The following ZNF845 variants were observed in gnomAD, a reference collection of about 807,000 sequenced individuals.
The protein encoded by ZNF845 is zinc finger protein 845.
A neutral mutation model predicts 76.1 loss-of-function variants in ZNF845; 59 were observed. That is an observed-to-expected ratio of 0.78 (90% CI 0.63 to 0.96). The LOEUF is 0.96. Ranked by LOEUF, ZNF845 falls within the 40% of genes least tolerant of loss-of-function variation. The pLI is 0.00. For missense variants in ZNF845, 1,045 were observed against 1,172.8 expected (o/e 0.89, Z 1.59); for synonymous variants, 361 against 386.9 (o/e 0.93, Z 0.78).
intron 1 of ZNF845, among the ~76,000 whole-genome samples, chr19:53,336,633 C>CTTTCTTTTTTT (rs1181749089): frequency 6.5e-5 from 6 of 92,430 alleles, no homozygotes; most frequent in African/African-American, 9.1e-5. Context: ...TTCTTTCTTT[C>CTTTCTTTTTTT]TTTTTTTTTT....
chr19:53,351,158 T>C lies in ZNF845; in HGVS notation c.483T>C (p.Gly161=). The C allele has an allele frequency of 3.1e-6, 5 of 1,614,214 alleles. No homozygotes were observed. Among genetic ancestry groups the C allele is most frequent in the Non-Finnish European group, 4.2e-6 (5 of 1,180,040 alleles). The part of the protein sequence containing the change: ...LHMFQTEGKI[G]NQVEKSINSA... ...TGTTTCAGACCGAAGGGAAAATTGG[T>C]AATCAAGTTGAGAAGTCTATCAACA... Residue 161 remains glycine, a synonymous_variant, in exon 4 of 4, where the codon GGT becomes GGC. Coordinates refer to ENST00000458035, the MANE Select transcript of ZNF845 (RefSeq NM_138374.3).
At position 53,351,139 on chromosome 19, in the gene ZNF845, A is replaced by G; in HGVS notation, c.464A>G (p.Gln155Arg). 1 of 1,614,242 alleles carries G rather than the reference A, an allele frequency of 6.2e-7. No homozygotes were observed. The change falls in exon 4 of 4, where the codon CAG becomes CGG. Residue 155 changes from glutamine (Q) to arginine (R), a missense_variant. Transcript: ENST00000458035. ...HSHLPELHMF[Q>R]TEGKIGNQVE... ...CATCTGCCTGAACTCCACATGTTTC[A>G]GACCGAAGGGAAAATTGGTAATCAA...
intron 2 of ZNF845, 125 bp from the exon 3 acceptor site, chr19:53,345,381 C>T: frequency 4.5e-6 from 7 of 1,566,482 alleles, no homozygotes; most frequent in Non-Finnish European, 6.1e-6. Flanking sequence ...TGAAGAATCC[C>T]TTACTCGGAT....
intron 2 of ZNF845, among the ~76,000 whole-genome samples, chr19:53,344,049 T>C (rs2085276177): frequency 6.6e-6 from 1 of 151,882 alleles, no homozygotes. Flanking sequence ...AGATTTAGGA[T>C]CACTGCAACC....
At chr19:53,337,213 T>A (rs2147029409) in intron 1 of ZNF845, 1 of 456,304 alleles carries the variant, frequency 2.2e-6, no homozygotes. Flanking sequence ...TTACCCTGTG[T>A]TCCTAAATGA....
At position 53,351,100 on chromosome 19, in the gene ZNF845, C is replaced by G. The variant is rs756211629; in HGVS notation, c.425C>G (p.Ser142Ter). ...GNKPIKDQLG[S>*]SFHSHLPELH... Reference sequence around the variant, plus strand: ...AAGCCTATTAAAGATCAGCTTGGATCAAGCTTTCATTCGCATCTGCCTGAA... The same window carrying G: ...AAGCCTATTAAAGATCAGCTTGGATGAAGCTTTCATTCGCATCTGCCTGAA... The change falls in exon 4 of 4, where the codon TCA (serine) becomes TGA (stop). Residue 142 changes from serine (S) to a stop codon, truncating the protein, a stop_gained. Transcript: ENST00000458035. LOFTEE classifies it high-confidence loss of function. The G allele has an allele frequency of 6.2e-7, 1 of 1,614,220 alleles. No homozygotes were observed. Among genetic ancestry groups the G allele is most frequent in the South Asian group, 1.1e-5 (1 of 91,086 alleles).
chr19:53,356,570 C>T lies in ZNF845; in HGVS notation c.*2982C>T, dbSNP rs190636820. 6 of 151,114 alleles carry T rather than the reference C, an allele frequency of 4.0e-5. No individual in the cohort carries two copies. Among genetic ancestry groups the T allele is most frequent in the Admixed American group, 1.3e-4 (2 of 15,152 alleles). The allele number at this position is 151,114 out of a possible 1,614,324, so 9.4% of individuals were successfully genotyped here. ...CAAATAAATGAGAGGCATAATTCCTCCTTTGAGAATAAAGGAAAAGATTTC... is the reference window on the plus strand; with the variant it reads ...CAAATAAATGAGAGGCATAATTCCTTCTTTGAGAATAAAGGAAAAGATTTC... On this transcript the variant is annotated 3_prime_UTR_variant, in exon 4 of 4. Coordinates refer to ENST00000458035, the MANE Select transcript of ZNF845 (RefSeq NM_138374.3).
intron 1 of ZNF845, among the ~76,000 whole-genome samples, chr19:53,335,515 C>G (rs2085207169): frequency 6.6e-6 from 1 of 152,090 alleles, no homozygotes; most frequent in African/African-American, 2.4e-5. Flanking sequence ...CCTGCCTTGG[C>G]CTCCCAAATT....
At chr19:53,339,000 T>G (rs973068628) in intron 1 of ZNF845, among the ~76,000 whole-genome samples, 2 of 151,592 alleles carry the variant, frequency 1.3e-5, no homozygotes, top group Admixed American at 6.6e-5. Flanking sequence ...CTCGGGAAAC[T>G]GAAGCAGGAG....
chr19:53,334,319 C>T (rs185684749), intron 1 of ZNF845, among the ~76,000 whole-genome samples: 18 of 152,260 alleles, frequency 1.2e-4, no homozygotes, highest in South Asian at 2.1e-4. Context: ...GGGATGCAGG[C>T]GTCTTACTCC....
rs2085357138 is a variant in ZNF845 at position 53,353,206 on chromosome 19, C to G, written c.2531C>G (p.Ser844Ter). The change falls in exon 4 of 4, where the codon TCA (serine) becomes TGA (stop). Residue 844 changes from serine (S) to a stop codon, truncating the protein, a stop_gained. Transcript: ENST00000458035. LOFTEE classifies it high-confidence loss of function. ...TGTGGCAAGACCTTCCGTCACAATT[C>G]AGCCCTTGAAATTCATAAGGCAATT... ...NECGKTFRHN[S>*]ALEIHKAIHT... 6.2e-7 allele frequency: 1 copy of G among 1,613,858 alleles called. No homozygotes were observed. The highest frequency in any genetic ancestry group is 8.5e-7 in the Non-Finnish European group (1 of 1,179,894).
chr19:53,347,300 A>G (rs556944940), intron 3 of ZNF845, among the ~76,000 whole-genome samples: 34 of 147,930 alleles, frequency 2.3e-4, no homozygotes, highest in African/African-American at 7.7e-4. Context: ...CTTTCTTGAG[A>G]AGGAGTCTGT....
rs2085329362 is a variant in ZNF845, at chr19:53,350,982, G to T, written c.307G>T (p.Glu103Ter). Residue 103 changes from glutamate (E) to a stop codon, truncating the protein, a stop_gained, in exon 4 of 4, where the codon GAA (glutamate) becomes TAA (stop). Coordinates refer to ENST00000458035, the MANE Select transcript of ZNF845 (RefSeq NM_138374.3). LOFTEE classifies it high-confidence loss of function. ...DIHDFEFQWK[E>*]DERNSHEAPM... ...TCATGATTTTGAGTTTCAGTGGAAAGAAGATGAAAGAAATAGCCATGAAGC... is the reference window on the plus strand; with the variant it reads ...TCATGATTTTGAGTTTCAGTGGAAATAAGATGAAAGAAATAGCCATGAAGC... 6.2e-7 allele frequency: 1 copy of T among 1,614,024 alleles called. No individual in the cohort carries two copies. Among genetic ancestry groups the T allele is most frequent in the African/African-American group, 1.3e-5 (1 of 74,902 alleles).
rs1337905986 is a variant in ZNF845, at chr19:53,355,792, T to A, written c.*2204T>A. ...TCAGCTGTGGTCATTTCATGGATGATTTTTATATTTTTGAGGTAAAACTCT... is the reference window on the plus strand; with the variant it reads ...TCAGCTGTGGTCATTTCATGGATGAATTTTATATTTTTGAGGTAAAACTCT... On this transcript the variant is annotated 3_prime_UTR_variant, in exon 4 of 4. Transcript: ENST00000458035. The A allele has an allele frequency of 6.6e-6, 1 of 152,216 alleles. No individual in the cohort carries two copies. Among genetic ancestry groups the A allele is most frequent in the East Asian group, 1.9e-4 (1 of 5,190 alleles). The allele number at this position is 152,216 out of a possible 1,614,324, so 9.4% of individuals were successfully genotyped here.
chr19:53,343,821 T>C (rs2085274202), intron 2 of ZNF845, among the ~76,000 whole-genome samples: 1 of 152,090 alleles, frequency 6.6e-6, no homozygotes, highest in African/African-American at 2.4e-5. Flanking sequence ...CTAGTTTTCA[T>C]GTATTTTCTT....
chr19:53,351,230 A>C lies in ZNF845; in HGVS notation c.555A>C (p.Lys185Asn). 1 of 1,614,234 alleles carries C rather than the reference A, an allele frequency of 6.2e-7. No individual in the cohort carries two copies. The highest frequency in any genetic ancestry group is 8.5e-7 in the Non-Finnish European group (1 of 1,180,038). ...STSQRISCRP[K>N]THISKNYGNN... ...CCCAAAGAATTTCTTGTAGGCCTAAAACCCACATTTCTAAGAACTATGGGA... is the reference window on the plus strand; with the variant it reads ...CCCAAAGAATTTCTTGTAGGCCTAACACCCACATTTCTAAGAACTATGGGA... The change falls in exon 4 of 4, where the codon AAA becomes AAC. Residue 185 changes from lysine to asparagine, a missense_variant. Lys to Asn is a moderately conservative substitution (Grantham distance 94). Transcript: ENST00000458035.
chr19:53,346,922 T>C (rs8113224), intron 3 of ZNF845, among the ~76,000 whole-genome samples: 129,515 of 151,876 alleles, frequency 0.85, 55,352 homozygotes, highest in Non-Finnish European at 0.88. Context: ...TTTGTTCTGT[T>C]GCCTAGGCTG....
intron 2 of ZNF845, among the ~76,000 whole-genome samples, chr19:53,343,087 G>A (rs1312275054): frequency 1.3e-5 from 2 of 152,078 alleles, no homozygotes; most frequent in African/African-American, 4.8e-5. Context: ...CCAAAGTGCT[G>A]GGATTGCAAG....
chr19:53,349,693 C>G (rs759812915), intron 3 of ZNF845, among the ~76,000 whole-genome samples: 4 of 152,074 alleles, frequency 2.6e-5, no homozygotes, highest in African/African-American at 4.8e-5. Flanking sequence ...TTACATAAGG[C>G]TTTTCGGTAT....
Sources: gnomAD v4.1 joint callset for allele counts (sites outside exome capture counted in the v4.1 genomes callset) on GRCh38, gnomAD v4.1.1 for gene constraint, MANE v1.5 for transcripts, NCBI Gene and HGNC (gene_info 2026-07-23, HGNC 2026-07-21) for gene names.